Variants in NTRK3 observed in about 807,000 individuals in gnomAD.
NTRK3 encodes neurotrophic receptor tyrosine kinase 3.
A neutral mutation model predicts 91.7 loss-of-function variants in NTRK3; 24 were observed. The ratio of observed to expected loss-of-function variants is 0.26; its 90% CI spans 0.19 to 0.37. NTRK3 has a LOEUF of 0.37. NTRK3 is among the 10% of genes least tolerant of loss of function. NTRK3 has a pLI of 1.00. For synonymous variants in NTRK3, 483 were observed against 404.0 expected (o/e 1.20, Z -2.34); for missense variants, 880 against 1,068.9 (o/e 0.82, Z 2.46).
chr15:88,124,418 G>A (rs879684545), intron 13 of NTRK3, among the ~76,000 whole-genome samples: 1 of 152,168 alleles, frequency 6.6e-6, no homozygotes, highest in African/African-American at 2.4e-5. Context: ...CCAGAAACAG[G>A]ATGACAATTA....
At chr15:88,200,146 C>G (rs1258712059) in intron 3 of NTRK3, among the ~76,000 whole-genome samples, 6 of 152,204 alleles carry the variant, frequency 3.9e-5, no homozygotes, top group Non-Finnish European at 7.3e-5. Context: ...TCACTCATGT[C>G]CCCCTGCATT....
chr15:88,112,117 A>G (rs1302050661), intron 13 of NTRK3, among the ~76,000 whole-genome samples: 4 of 152,144 alleles, frequency 2.6e-5, no homozygotes, highest in Non-Finnish European at 5.9e-5. Context: ...AATGTTAGCC[A>G]GGATGGTCTT....
At chr15:87,927,726 A>T (rs954413327) in intron 17 of NTRK3, 1 of 152,230 alleles carries the variant, frequency 6.6e-6, no homozygotes, top group African/African-American at 2.4e-5. Flanking sequence ...GCAGATGGCC[A>T]TCTATAAATG....
chr15:87,964,613 C>A (rs2072622989), intron 14 of NTRK3, among the ~76,000 whole-genome samples: 1 of 152,078 alleles, frequency 6.6e-6, no homozygotes, highest in Non-Finnish European at 1.5e-5. Context: ...TTCATCACCC[C>A]AACAAGAACC....
At chr15:88,122,092 A>G (rs2151070784) in intron 13 of NTRK3, among the ~76,000 whole-genome samples, 1 of 152,382 alleles carries the variant, frequency 6.6e-6, no homozygotes, top group Non-Finnish European at 1.5e-5. Flanking sequence ...ATGACAAGGA[A>G]ATAAAGCAAG....
chr15:88,162,772 C>T (rs943633412), intron 5 of NTRK3, among the ~76,000 whole-genome samples: 49 of 152,180 alleles, frequency 3.2e-4, no homozygotes, highest in African/African-American at 1.1e-3. Flanking sequence ...ATCTATGCAA[C>T]GCCCCAGCTT....
intron 10 of NTRK3, among the ~76,000 whole-genome samples, 177 bp downstream of exon 10, chr15:88,134,924 C>G (rs1371488924): frequency 1.3e-5 from 2 of 152,210 alleles, no homozygotes; most frequent in Non-Finnish European, 2.9e-5. Flanking sequence ...AAAATGGAGA[C>G]TCTATCCTTG....
At chr15:87,945,803 GAAA>G (rs34162356) in intron 14 of NTRK3, among the ~76,000 whole-genome samples, 8 of 106,764 alleles carry the variant, frequency 7.5e-5, no homozygotes, top group African/African-American at 1.5e-4. Context: ...TGAAGACTGG[GAAA>G]AAAAAAAAAA....
intron 13 of NTRK3, among the ~76,000 whole-genome samples, chr15:88,121,222 T>C (rs921575173): frequency 6.6e-6 from 1 of 152,196 alleles, no homozygotes; most frequent in Non-Finnish European, 1.5e-5. Context: ...ACAGAGCAAG[T>C]TTTATTATTG....
intron 13 of NTRK3, among the ~76,000 whole-genome samples, chr15:88,035,464 T>G (rs1418671449): frequency 6.6e-6 from 1 of 152,156 alleles, no homozygotes; most frequent in Admixed American, 6.5e-5. Context: ...TGCAGGAGAT[T>G]AGAGAATACA....
intron 14 of NTRK3, among the ~76,000 whole-genome samples, chr15:87,967,444 G>C (rs2072887909): frequency 6.6e-6 from 1 of 152,200 alleles, no homozygotes; most frequent in South Asian, 2.1e-4. Context: ...AGGTGCCAGA[G>C]TGTCTAAACT....
chr15:88,247,848 G>A (rs1052830387), intron 3 of NTRK3, among the ~76,000 whole-genome samples: 8 of 152,220 alleles, frequency 5.3e-5, no homozygotes, highest in Non-Finnish European at 1.2e-4. Context: ...AGGTAGAGAG[G>A]CGGGGTAAGG....
At chr15:88,099,345 G>T (rs943225311) in intron 13 of NTRK3, 1 of 200,980 alleles carries the variant, frequency 5.0e-6, no homozygotes, top group Non-Finnish European at 1.0e-5. Context: ...AAGGAACATG[G>T]AAGAGAGAAG....
chr15:88,157,270 T>C lies in NTRK3; in HGVS notation c.396-9867A>G, dbSNP rs113019334. Among the ~76,000 whole-genome samples, 424 of 151,934 alleles carry C rather than the reference T, an allele frequency of 2.8e-3. 3 individuals carry two copies. The Middle Eastern group carries it at 0.031, about 11-fold the overall frequency. ...CACTACACACCATACCACGCACACA[T>C]ATTCAAACATACACACTTATCCCCA... is the stretch of plus-strand genomic sequence containing the variant. On this transcript the variant is annotated intron_variant, in intron 5 of 18. Coordinates refer to ENST00000394480, the Ensembl canonical transcript of NTRK3.
chr15:87,925,675 A>C (rs1298117461), intron 17 of NTRK3: 1 of 192,076 alleles, frequency 5.2e-6, no homozygotes, highest in Non-Finnish European at 1.1e-5. Context: ...CTGAACAAAA[A>C]AGTTTTACAC....
intron 17 of NTRK3, among the ~76,000 whole-genome samples, chr15:87,894,345 C>A (rs16940982): frequency 6.6e-6 from 1 of 152,202 alleles, no homozygotes; most frequent in Non-Finnish European, 1.5e-5. Context: ...AATTCACTTG[C>A]ATGGCTGCAC....
chr15:88,155,839 T>TCTATCTAA (rs1182245135), intron 5 of NTRK3, among the ~76,000 whole-genome samples: 2 of 150,972 alleles, frequency 1.3e-5, no homozygotes, highest in Non-Finnish European at 2.9e-5. Flanking sequence ...TATCTATCTA[T>TCTATCTAA]CTATCTATAT....
intron 13 of NTRK3, among the ~76,000 whole-genome samples, chr15:88,041,824 TAAAAAAAAA>T (rs35696268): frequency 3.3e-5 from 3 of 90,244 alleles, no homozygotes; most frequent in African/African-American, 4.2e-5. Flanking sequence ...AAGTCCCTCA[TAAAAAAAAA>T]AAAAAAAAAA....
chr15:88,238,722 AG>A (rs2052037043), intron 3 of NTRK3, among the ~76,000 whole-genome samples: 1 of 152,256 alleles, frequency 6.6e-6, no homozygotes, highest in Non-Finnish European at 1.5e-5. Context: ...ACAGAGAACA[AG>A]GTTTTCACTG....
Sources: allele counts gnomAD v4.1 joint callset (sites outside exome capture counted in the v4.1 genomes callset), GRCh38; gene constraint gnomAD v4.1.1; transcripts MANE v1.5; gene names NCBI Gene and HGNC (gene_info 2026-07-23, HGNC 2026-07-21).